RBM6: variants seen among roughly 807,000 people sequenced by gnomAD.
RBM6 encodes RNA binding motif protein 6.
Under a neutral mutation model 140.4 loss-of-function variants are expected in RBM6, and 23 were observed. The observed-to-expected ratio is 0.16, with a 90% CI of 0.12 to 0.23. The LOEUF is 0.23. Ranked by LOEUF, RBM6 falls within the 10% of genes least tolerant of loss-of-function variation. The pLI is 1.00. For synonymous variants in RBM6, 439 were observed against 475.6 expected (o/e 0.92, Z 1.00); for missense variants, 1,139 against 1,386.7 (o/e 0.82, Z 2.84).
At chr3:49,953,498 G>A (rs1282406567) in intron 1 of RBM6, among the ~76,000 whole-genome samples, 1 of 150,842 alleles carries the variant, frequency 6.6e-6, no homozygotes, top group South Asian at 2.1e-4. Flanking sequence ...GATTACAGGT[G>A]TGAGTGTGAG....
rs761006657 is a variant in RBM6 at position 49,968,726 on chromosome 3, G to A, written c.1301G>A (p.Arg434Gln). 8 of 1,596,198 alleles carry A rather than the reference G, an allele frequency of 5.0e-6. No homozygotes were observed. The highest frequency in any genetic ancestry group is 3.3e-5 in the South Asian group (3 of 90,734). ...TCTTTTCCAGAGGGCAAAACTGCCCGAGATGCCCAACGGGACCTTCAGGTA... is the reference window on the plus strand; with the variant it reads ...TCTTTTCCAGAGGGCAAAACTGCCCAAGATGCCCAACGGGACCTTCAGGTA... ...SKSFPEGKTA[R>Q]DAQRDLQDQD... The change falls in exon 3 of 21, where the codon CGA becomes CAA. Residue 434 changes from arginine to glutamine, a missense_variant. Coordinates refer to ENST00000266022, the MANE Select transcript of RBM6 (RefSeq NM_005777.3).
At position 50,023,241 on chromosome 3, in the gene RBM6, C is replaced by A. The variant is rs115871004; in HGVS notation, c.1557+23728C>A. On this transcript the variant is annotated intron_variant, in intron 6 of 20. Transcript: ENST00000266022. ...TCCTGCTTTCTTCTTCTTCTTTCTTCTTTTTCTGTTTCTTCTTCTTGCTTT... is the reference window on the plus strand; with the variant it reads ...TCCTGCTTTCTTCTTCTTCTTTCTTATTTTTCTGTTTCTTCTTCTTGCTTT... Among the ~76,000 whole-genome samples the A allele has an allele frequency of 3.8e-3, 571 of 152,086 alleles. 5 individuals are homozygous for A. The highest frequency in any genetic ancestry group is 0.013 in the African/African-American group (534 of 41,490).
At position 50,059,497 on chromosome 3, in the gene RBM6, C is replaced by T. The variant is rs1344028970; in HGVS notation, c.2131-152C>T. 5 of 577,852 alleles carry T rather than the reference C, an allele frequency of 8.7e-6. No individual in the cohort carries two copies. The Admixed American group carries it at 1.7e-4, about 20-fold the overall frequency. The allele number at this position is 577,852 out of a possible 1,614,324, so 35.8% of individuals were successfully genotyped here. The stretch of plus-strand genomic sequence containing the variant: ...AAAGTTGCCTGTTTCTGCCAGTATG[C>T]TCTTACTGTTAAAATTTTGACAGAA... On this transcript the variant is annotated intron_variant, in intron 10 of 20. Transcript: ENST00000266022.
intron 6 of RBM6, among the ~76,000 whole-genome samples, chr3:50,045,355 A>G (rs1391015164): frequency 1.3e-5 from 2 of 152,194 alleles, no homozygotes; most frequent in African/African-American, 4.8e-5. Context: ...TGTATGCTCT[A>G]ACAGCAGTAT....
At chr3:50,038,380 AC>A (rs2088670409) in intron 6 of RBM6, among the ~76,000 whole-genome samples, 1 of 152,184 alleles carries the variant, frequency 6.6e-6, no homozygotes, top group African/African-American at 2.4e-5. Flanking sequence ...ACATTTATTT[AC>A]CAAACTCCCT....
intron 6 of RBM6, chr3:50,047,407 C>A: frequency 1.2e-6 from 1 of 801,006 alleles, no homozygotes; most frequent in Non-Finnish European, 1.5e-6. Flanking sequence ...CACATACCTG[C>A]TGCCTAGTGT....
chr3:49,968,622 C>G lies in RBM6; in HGVS notation c.1197C>G (p.Thr399=). The change falls in exon 3 of 21, where the codon ACC becomes ACG. Residue 399 remains threonine (T), a synonymous_variant. Transcript: ENST00000266022. ...TGGACTTTCTTGGGCGGCAAGACACCGATTACAGAAGCATGGAGTACCGTG... is the reference window on the plus strand; with the variant it reads ...TGGACTTTCTTGGGCGGCAAGACACGGATTACAGAAGCATGGAGTACCGTG... ...GGLDFLGRQD[T]DYRSMEYRDV... 1 of 1,614,010 alleles carries G rather than the reference C, an allele frequency of 6.2e-7. No individual in the cohort carries two copies. Among genetic ancestry groups the G allele is most frequent in the Non-Finnish European group, 8.5e-7 (1 of 1,180,020 alleles).
intron 5 of RBM6, among the ~76,000 whole-genome samples, chr3:49,994,222 C>G (rs967839460): frequency 6.6e-6 from 1 of 152,068 alleles, no homozygotes; most frequent in African/African-American, 2.4e-5. Context: ...TGCTCCCACA[C>G]CTGGCTAATT....
chr3:50,000,672 G>C (rs2086285042), intron 6 of RBM6, among the ~76,000 whole-genome samples: 1 of 152,062 alleles, frequency 6.6e-6, no homozygotes, highest in African/African-American at 2.4e-5. Flanking sequence ...GCCTGCCTCG[G>C]CCTCCCAAAG....
At chr3:50,033,086 C>A (rs2108828832) in intron 6 of RBM6, among the ~76,000 whole-genome samples, 1 of 151,898 alleles carries the variant, frequency 6.6e-6, no homozygotes, top group East Asian at 1.9e-4. Context: ...CACCTGAGGT[C>A]AGGAGTTTGA....
At chr3:50,056,631 C>A (rs2089713938) in intron 8 of RBM6, among the ~76,000 whole-genome samples, 1 of 152,160 alleles carries the variant, frequency 6.6e-6, no homozygotes, top group African/African-American at 2.4e-5. Context: ...GGGCACCATA[C>A]CACTAAGATG....
In RBM6 at chr3:49,972,163, C is replaced by T. The variant is rs1303941653; in HGVS notation, c.1413+15C>T. ...CAAAAGAAGAGGTAAGGCATGTCTTCTCTCCTGTTTCTCTGTGTCAATTAA... is the reference window on the plus strand; with the variant it reads ...CAAAAGAAGAGGTAAGGCATGTCTTTTCTCCTGTTTCTCTGTGTCAATTAA... On this transcript the variant is annotated intron_variant, in intron 4 of 20. Coordinates refer to ENST00000266022, the MANE Select transcript of RBM6 (RefSeq NM_005777.3). 1 of 1,562,470 alleles carries T rather than the reference C, an allele frequency of 6.4e-7. No homozygotes were observed. The highest frequency in any genetic ancestry group is 1.8e-5 in the Admixed American group (1 of 55,444).
intron 6 of RBM6, among the ~76,000 whole-genome samples, chr3:50,015,798 G>A (rs541487050): frequency 6.6e-6 from 1 of 152,250 alleles, no homozygotes; most frequent in East Asian, 1.9e-4. Flanking sequence ...TGATACATGT[G>A]CACATTGTAG....
chr3:49,995,702 T>C (rs1025157456), intron 5 of RBM6, among the ~76,000 whole-genome samples: 2 of 152,038 alleles, frequency 1.3e-5, no homozygotes, highest in African/African-American at 4.8e-5. Flanking sequence ...AAGAAAGGGG[T>C]AATAAAGTAG....
At chr3:49,955,226 G>A (rs1355963063) in intron 1 of RBM6, among the ~76,000 whole-genome samples, 2 of 126,766 alleles carry the variant, frequency 1.6e-5, no homozygotes, top group African/African-American at 3.1e-5. Flanking sequence ...GAGTGCAGTG[G>A]TGTGATCTTG....
Position 50,062,240 on chromosome 3 carries a change from A to C in RBM6, c.2586+132A>C, listed in dbSNP as rs147143080. On this transcript the variant is annotated intron_variant, in intron 15 of 20. Coordinates refer to ENST00000266022, the MANE Select transcript of RBM6 (RefSeq NM_005777.3). ...ACTCTGTCAGCCGGGCGTGGTGGCTAACGCCTGTAATCCCAGCACTTTGGG... is the reference window on the plus strand; with the variant it reads ...ACTCTGTCAGCCGGGCGTGGTGGCTCACGCCTGTAATCCCAGCACTTTGGG... 2,580 of 1,077,820 alleles carry C rather than the reference A, an allele frequency of 2.4e-3. 27 individuals carry two copies. Among genetic ancestry groups the C allele is most frequent in the South Asian group, 0.023 (1,352 of 58,430 alleles). The allele number at this position is 1,077,820 out of a possible 1,614,324, so 66.8% of individuals were successfully genotyped here. A position where few individuals can be genotyped will look rare whatever the true frequency, so the allele number is the denominator to read the frequency against.
rs941865771 is a variant in RBM6 at position 49,959,014 on chromosome 3, C to T, written c.-66-3562C>T. Among the ~76,000 whole-genome samples the T allele has an allele frequency of 5.9e-5, 9 of 151,818 alleles. No homozygotes were observed. In the South Asian group the frequency reaches 8.3e-4, roughly 14 times the overall value. ...TTCACCATCTTGGCCAGGCTGGTGT[C>T]GAACTCCTGACCTCGTGACCAACCC... On this transcript the variant is annotated intron_variant, in intron 1 of 20. Coordinates refer to ENST00000266022, the MANE Select transcript of RBM6 (RefSeq NM_005777.3).
chr3:50,011,305 TATGG>T (rs1255561462), intron 6 of RBM6, among the ~76,000 whole-genome samples: 1 of 152,208 alleles, frequency 6.6e-6, no homozygotes, highest in African/African-American at 2.4e-5. Context: ...TCTGAAAGAT[TATGG>T]ATGGAGTTGG....
chr3:50,040,493 T>TACAC (rs1553661202), intron 6 of RBM6, among the ~76,000 whole-genome samples: 6,500 of 79,006 alleles, frequency 0.082, 417 homozygotes, highest in African/African-American at 0.12. Context: ...TATATATATA[T>TACAC]ACACACACAC....
Sources: allele counts gnomAD v4.1 joint callset (sites outside exome capture counted in the v4.1 genomes callset), GRCh38; gene constraint gnomAD v4.1.1; transcripts MANE v1.5; gene names NCBI Gene and HGNC (gene_info 2026-07-23, HGNC 2026-07-21).